Variants in RBAK observed in about 807,000 individuals in gnomAD.
RBAK encodes the protein RB-associated KRAB zinc finger protein.
Under a neutral mutation model 65.8 loss-of-function variants are expected in RBAK, and 39 were observed. The ratio of observed to expected loss-of-function variants is 0.59; its 90% CI spans 0.46 to 0.77. The LOEUF (loss-of-function observed/expected upper bound fraction) is 0.77, where lower values mean the gene tolerates loss of function less well. Among genes scored for constraint, RBAK ranks in the 30% least tolerant of loss-of-function variants. The pLI, the probability that RBAK is intolerant of heterozygous loss-of-function variation, is 0.00. For missense variants in RBAK, 884 were observed against 855.1 expected, an observed-to-expected ratio of 1.03 and a Z score of -0.42; for synonymous variants, 343 against 289.7, an observed-to-expected ratio of 1.18 and a Z score of -1.87.
rs1184326067 is a variant in RBAK at position 5,067,306 on chromosome 7, G to T, written c.*1705G>T. On this transcript the variant is annotated 3_prime_UTR_variant, in exon 5 of 5. Coordinates refer to ENST00000396912, the MANE Select transcript of RBAK (RefSeq NM_021163.4). ...TTTGCAGATGCCATGAGTAAATTTG[G>T]TAAGTTCCCTGCATAAAAGTTATGC... 1 of 152,098 alleles carries T rather than the reference G, an allele frequency of 6.6e-6. No individual in the cohort carries two copies. The highest frequency in any genetic ancestry group is 2.4e-5 in the African/African-American group (1 of 41,428). 9.4% of individuals were successfully genotyped at this position (152,098 alleles called of 1,614,324 possible).
rs1192894578 is a variant in RBAK, at chr7:5,048,339, A to AT, written c.15+254dup. On this transcript the variant is annotated intron_variant, in intron 2 of 4. Transcript: ENST00000396912. This position sits in a 1 kb window ranked among gnomAD's most constrained non-coding sequence, Gnocchi z 4.4. ...AGGCGTGCGCCACCATGCCCAACTA[A>AT]TTTTTTGTATTTTTAGAAGAGACAG... Among the ~76,000 whole-genome samples, 41 of 151,438 alleles carry AT rather than the reference A, an allele frequency of 2.7e-4. No individual in the cohort carries two copies. The highest frequency in any genetic ancestry group is 9.2e-4 in the African/African-American group (38 of 41,240).
chr7:5,056,456 T>C (rs1788234911), intron 2 of RBAK, among the ~76,000 whole-genome samples: 2 of 151,462 alleles, frequency 1.3e-5, no homozygotes, highest in African/African-American at 4.9e-5. Context: ...CCGTTTGCCA[T>C]TGGTACTTTG....
intron 2 of RBAK, chr7:5,057,020 T>C (rs1309852921): frequency 6.2e-6 from 1 of 161,858 alleles, no homozygotes; most frequent in African/African-American, 2.4e-5. Flanking sequence ...ACTTGCAAAA[T>C]AGGAGCTCAG....
intron 2 of RBAK, among the ~76,000 whole-genome samples, chr7:5,051,937 T>A (rs1421621678): frequency 6.6e-6 from 1 of 152,220 alleles, no homozygotes; most frequent in East Asian, 1.9e-4. Flanking sequence ...AGGTGTATTA[T>A]ATCCTTGTTG....
In RBAK at chr7:5,065,689, T is replaced by C. The variant is rs536249213; in HGVS notation, c.*88T>C. 2.0e-6 allele frequency: 2 copies of C among 1,025,130 alleles called. No homozygotes were observed. The highest frequency in any genetic ancestry group is 2.7e-6 in the Non-Finnish European group (2 of 739,078). The allele number at this position is 1,025,130 out of a possible 1,614,324, so 63.5% of individuals were successfully genotyped here. A position where few individuals can be genotyped will look rare whatever the true frequency, so the allele number is the denominator to read the frequency against. ...GTCAAAGCGTTTATCTGAGAGTTCG[T>C]GTTCCTGAACGGTGAGAAGCATTTA... On this transcript the variant is annotated 3_prime_UTR_variant, in exon 5 of 5. Coordinates refer to ENST00000396912, the MANE Select transcript of RBAK (RefSeq NM_021163.4). The surrounding 1 kb of genome is among the most constrained non-coding windows in gnomAD (Gnocchi z 5.3).
chr7:5,050,004 C>T (rs188784171), intron 2 of RBAK, among the ~76,000 whole-genome samples: 1 of 152,314 alleles, frequency 6.6e-6, no homozygotes, highest in Non-Finnish European at 1.5e-5. Flanking sequence ...CAGGCGTGAG[C>T]CACTGCTCCC....
chr7:5,058,162 C>T (rs1231178127), intron 4 of RBAK, among the ~76,000 whole-genome samples: 1 of 152,164 alleles, frequency 6.6e-6, no homozygotes, highest in African/African-American at 2.4e-5. Context: ...GCAACCACCA[C>T]CTCACAGGTT....
At position 5,057,731 on chromosome 7, in the gene RBAK, G is replaced by A. The variant is rs1219641552; in HGVS notation, c.190G>A (p.Glu64Lys). The A allele has an allele frequency of 6.2e-7, 1 of 1,613,970 alleles. No homozygotes were observed. Among genetic ancestry groups the A allele is most frequent in the Non-Finnish European group, 8.5e-7 (1 of 1,179,856 alleles). ...CGTCATCATTAAGTTGGAGCAGGGA[G>A]AGGAGCCGTGGATAATGGGAGGTGA... ...PNVIIKLEQG[E>K]EPWIMGGEFP... The change falls in exon 4 of 5, where the codon GAG becomes AAG. Residue 64 changes from glutamate to lysine, a missense_variant. Transcript: ENST00000396912.
chr7:5,069,411 A>G lies in RBAK; in HGVS notation c.*3810A>G, dbSNP rs1779301985. On this transcript the variant is annotated 3_prime_UTR_variant, in exon 5 of 5. Transcript: ENST00000396912. ...ATCATTACATACTTTGTCATCCTAT[A>G]CTTTTGCATATATAAATAGGTCTGA... The G allele has an allele frequency of 6.6e-6, 1 of 152,190 alleles. No homozygotes were observed. The highest frequency in any genetic ancestry group is 1.5e-5 in the Non-Finnish European group (1 of 68,042). 9.4% of individuals were successfully genotyped at this position (152,190 alleles called of 1,614,324 possible). A position where few individuals can be genotyped will look rare whatever the true frequency, so the allele number is the denominator to read the frequency against.
At position 5,063,752 on chromosome 7, in the gene RBAK, C is replaced by A; in HGVS notation, c.296C>A (p.Ser99Ter). 1 of 1,613,210 alleles carries A rather than the reference C, an allele frequency of 6.2e-7. No homozygotes were observed. The highest frequency in any genetic ancestry group is 8.5e-7 in the Non-Finnish European group (1 of 1,179,778). The change falls in exon 5 of 5, where the codon TCA becomes TAA. Residue 99 changes from serine to a stop codon, truncating the protein, a stop_gained. Coordinates refer to ENST00000396912, the MANE Select transcript of RBAK (RefSeq NM_021163.4). LOFTEE classifies it high-confidence loss of function. Reference protein sequence around the residue: ...ERIQENEDKHSRQAACINSKT... With the variant: ...ERIQENEDKH ...ATCCAAGAAAACGAAGACAAACATT[C>A]AAGGCAAGCTGCTTGTATCAATAGC...
chr7:5,050,426 G>A (rs1335837604), intron 2 of RBAK, among the ~76,000 whole-genome samples: 5 of 152,112 alleles, frequency 3.3e-5, no homozygotes, highest in Non-Finnish European at 5.9e-5. Flanking sequence ...CGTGGCATTT[G>A]TCTACTTCTG....
rs1331865373 is a variant in RBAK, at chr7:5,064,524, A to C, written c.1068A>C (p.Gln356His). ...ECSECGKTFC[Q>H]KTHLTLHQRN... is the part of the protein sequence containing the mutation. ...GCGAATGTGGGAAAACCTTCTGCCA[A>C]AAGACACATCTCACCCTGCACCAGA... Residue 356 changes from glutamine (Q) to histidine (H), a missense_variant, in exon 5 of 5, where the codon CAA (glutamine) becomes CAC (histidine). Gln to His is a conservative substitution (Grantham distance 24). Transcript: ENST00000396912. This position sits in a 1 kb window ranked among gnomAD's most constrained non-coding sequence, Gnocchi z 6.3. The C allele has an allele frequency of 6.2e-7, 1 of 1,613,710 alleles. No homozygotes were observed. The highest frequency in any genetic ancestry group is 1.7e-5 in the Admixed American group (1 of 59,984).
In RBAK at chr7:5,065,070, C is replaced by G; in HGVS notation, c.1614C>G (p.Ser538=). The G allele has an allele frequency of 1.2e-6, 2 of 1,613,878 alleles. No individual in the cohort carries two copies. Among genetic ancestry groups the G allele is most frequent in the South Asian group, 2.2e-5 (2 of 91,052 alleles). Residue 538 remains serine (S), a synonymous_variant, in exon 5 of 5, where the codon TCC becomes TCG. Coordinates refer to ENST00000396912, the MANE Select transcript of RBAK (RefSeq NM_021163.4). The surrounding 1 kb of genome is among the most constrained non-coding windows in gnomAD (Gnocchi z 5.3). ...AGCCACTTCCAAAAGGGGAGAAATCCTATGAATGTAATGTATGTGGAAAGT... is the reference window on the plus strand; with the variant it reads ...AGCCACTTCCAAAAGGGGAGAAATCGTATGAATGTAATGTATGTGGAAAGT... ...GHQPLPKGEK[S]YECNVCGKLF...
rs1488455020 is a variant in RBAK, at chr7:5,066,129, G to A, written c.*528G>A. 2 of 150,872 alleles carry A rather than the reference G, an allele frequency of 1.3e-5. No individual in the cohort carries two copies. The highest frequency in any genetic ancestry group is 3.0e-5 in the Non-Finnish European group (2 of 67,672). 9.3% of individuals were successfully genotyped at this position (150,872 alleles called of 1,614,324 possible). A position where few individuals can be genotyped will look rare whatever the true frequency, so the allele number is the denominator to read the frequency against. On this transcript the variant is annotated 3_prime_UTR_variant, in exon 5 of 5. Transcript: ENST00000396912. ...CCGTTTTTTATCATGTCTTAAAAATGCAATCTAATGGTAATTCTATGCAAG... is the reference window on the plus strand; with the variant it reads ...CCGTTTTTTATCATGTCTTAAAAATACAATCTAATGGTAATTCTATGCAAG...
intron 4 of RBAK, among the ~76,000 whole-genome samples, chr7:5,060,301 T>C (rs947051519): frequency 6.6e-6 from 1 of 152,200 alleles, no homozygotes; most frequent in Non-Finnish European, 1.5e-5. Context: ...GAACCACAGA[T>C]TCTGATAAAA....
intron 4 of RBAK, among the ~76,000 whole-genome samples, chr7:5,061,212 C>T (rs1352618738): frequency 6.6e-5 from 10 of 152,074 alleles, no homozygotes; most frequent in Admixed American, 5.2e-4. Context: ...CTCATATTCA[C>T]ATTTCAGATG....
chr7:5,054,944 T>C (rs1461331857), intron 2 of RBAK, among the ~76,000 whole-genome samples: 1 of 150,406 alleles, frequency 6.6e-6, no homozygotes. Flanking sequence ...CTAATTTTTT[T>C]TGTTTGTTTG....
chr7:5,052,851 C>A (rs1788146996), intron 2 of RBAK, among the ~76,000 whole-genome samples: 1 of 152,104 alleles, frequency 6.6e-6, no homozygotes, highest in South Asian at 2.1e-4. Context: ...CCTCTGCCTC[C>A]CAGGTTCAAG....
rs139915522 is a variant in RBAK at position 5,057,707 on chromosome 7, G to A, written c.166G>A (p.Val56Ile). 1.0e-3 allele frequency: 1,679 copies of A among 1,613,814 alleles called. 13 individuals are homozygous for A. In the African/African-American group the frequency reaches 0.02, roughly 19 times the overall value. Residue 56 changes from valine (V) to isoleucine (I), a missense_variant, in exon 4 of 5, where the codon GTC (valine) becomes ATC (isoleucine). Transcript: ENST00000396912. ...AGGATATGATACCACCAAGCCAAAC[G>A]TCATCATTAAGTTGGAGCAGGGAGA... ...SVGYDTTKPNVIIKLEQGEEP... is the reference protein window; with the variant it reads ...SVGYDTTKPNIIIKLEQGEEP...
Sources: allele counts gnomAD v4.1 joint callset (sites outside exome capture counted in the v4.1 genomes callset), GRCh38; gene constraint gnomAD v4.1.1; non-coding constraint Gnocchi (gnomAD v3.1); transcripts MANE v1.5; gene names NCBI Gene and HGNC (gene_info 2026-07-23, HGNC 2026-07-21).